Variants in RGS7 observed in about 807,000 individuals in gnomAD.
The protein encoded by RGS7 is regulator of G-protein signaling 7.
RGS7 carries 27 observed loss-of-function variants against 81.1 expected under a neutral mutation model. The ratio of observed to expected loss-of-function variants is 0.33; its 90% CI spans 0.25 to 0.46. The LOEUF (loss-of-function observed/expected upper bound fraction) is 0.46, where lower values mean the gene tolerates loss of function less well. Ranked by LOEUF, RGS7 falls within the 20% of genes least tolerant of loss-of-function variation. RGS7 has a pLI of 1.00. For missense variants in RGS7, 396 were observed against 607.4 expected, an observed-to-expected ratio of 0.65 and a Z score of 3.66; for synonymous variants, 208 against 207.7, an observed-to-expected ratio of 1.00 and a Z score of -0.01.
intron 6 of RGS7, among the ~76,000 whole-genome samples, chr1:240,919,287 A>G (rs1245769926): frequency 1.4e-4 from 21 of 152,148 alleles, no homozygotes; most frequent in African/African-American, 5.1e-4. Flanking sequence ...AAGGAAGACT[A>G]CAGACCAATA....
intron 2 of RGS7, among the ~76,000 whole-genome samples, chr1:241,274,334 G>A (rs2078078944): frequency 6.6e-6 from 1 of 152,100 alleles, no homozygotes; most frequent in Admixed American, 6.5e-5. Context: ...ACACCTAATT[G>A]GTAGTATTAA....
intron 2 of RGS7, among the ~76,000 whole-genome samples, chr1:241,300,271 C>T (rs72760581): frequency 0.12 from 17,725 of 152,192 alleles, 1,306 homozygotes; most frequent in Middle Eastern, 0.18. Flanking sequence ...AAACCTACAT[C>T]GCTACATCAT....
Position 241,061,891 on chromosome 1 carries a change from T to C in RGS7, c.175+36775A>G, listed in dbSNP as rs2061758365. On this transcript the variant is annotated intron_variant, in intron 3 of 18. Transcript: ENST00000440928. ...TTGACTCTGTGAAATTCTGAGTCTGTACCTCCCAAGAGGTCTACCTAGCTG... is the reference window on the plus strand; with the variant it reads ...TTGACTCTGTGAAATTCTGAGTCTGCACCTCCCAAGAGGTCTACCTAGCTG... Among the ~76,000 whole-genome samples the C allele has an allele frequency of 2.0e-5, 3 of 152,220 alleles. No homozygotes were observed. In the South Asian group the frequency reaches 6.2e-4, roughly 31 times the overall value.
Position 240,827,134 on chromosome 1 carries a change from C to T in RGS7, c.648G>A (p.Lys216=), listed in dbSNP as rs1337441461. Residue 216 remains lysine (K), a synonymous_variant, in exon 10 of 19, where the codon AAG becomes AAA. Coordinates refer to ENST00000440928, the MANE Select transcript of RGS7 (RefSeq NM_001364886.1). ...TGTGGGGGTTTCTCATTCTGGATGA[C>T]TTCTTAATGTCCACTTCAGTTGTAT... The part of the protein sequence containing the change: ...CVNTTEVDIK[K]SSRMRNPHKT... The T allele has an allele frequency of 6.8e-6, 11 of 1,613,818 alleles. No individual in the cohort carries two copies. Among genetic ancestry groups the T allele is most frequent in the Non-Finnish European group, 9.3e-6 (11 of 1,179,806 alleles).
intron 13 of RGS7, among the ~76,000 whole-genome samples, chr1:240,812,538 G>C (rs1273853895): frequency 1.3e-5 from 2 of 151,598 alleles, no homozygotes; most frequent in South Asian, 4.2e-4. Flanking sequence ...GGGTTCAAGA[G>C]AGTCTCCTGC....
chr1:240,779,176 G>A (rs890543812), intron 18 of RGS7, among the ~76,000 whole-genome samples: 8 of 151,078 alleles, frequency 5.3e-5, no homozygotes, highest in South Asian at 2.1e-4. Context: ...GTGCAATGGC[G>A]CAATCTCGGG....
At chr1:240,967,571 G>GT (rs1278851729) in intron 4 of RGS7, among the ~76,000 whole-genome samples, 7 of 130,090 alleles carry the variant, frequency 5.4e-5, no homozygotes, top group Non-Finnish European at 1.1e-4. Context: ...CAAGAAGTGG[G>GT]GGGGGGGGGG....
intron 2 of RGS7, among the ~76,000 whole-genome samples, chr1:241,103,503 CAGAAGG>C (rs2064906133): frequency 6.6e-6 from 1 of 152,168 alleles, no homozygotes; most frequent in Non-Finnish European, 1.5e-5. Flanking sequence ...CATCAGCATT[CAGAAGG>C]AGGTAAGTTT....
intron 2 of RGS7, among the ~76,000 whole-genome samples, chr1:241,159,652 CGAA>C (rs2069468474): frequency 6.6e-6 from 1 of 151,510 alleles, no homozygotes; most frequent in African/African-American, 2.4e-5. Context: ...GTTATGGGAC[CGAA>C]GAAGAAGAAA....
rs1262298995 is a variant in RGS7, at chr1:240,930,692, T to C, written c.385+25A>G. 1.9e-6 allele frequency: 3 copies of C among 1,609,758 alleles called. No individual in the cohort carries two copies. In the South Asian group the frequency reaches 3.3e-5, roughly 18 times the overall value. ...ATCTACACATACAGGCTGTCAATAA[T>C]AAAATAATGAGAGATGGCACTGACC... On this transcript the variant is annotated intron_variant, in intron 6 of 18. Coordinates refer to ENST00000440928, the MANE Select transcript of RGS7 (RefSeq NM_001364886.1).
At chr1:241,173,670 A>G (rs2103269249) in intron 2 of RGS7, among the ~76,000 whole-genome samples, 1 of 152,300 alleles carries the variant, frequency 6.6e-6, no homozygotes, top group Non-Finnish European at 1.5e-5. Context: ...AGTCCCAGCT[A>G]CTCAGGAAGC....
At chr1:240,940,480 T>C (rs1258898947) in intron 4 of RGS7, among the ~76,000 whole-genome samples, 1 of 152,228 alleles carries the variant, frequency 6.6e-6, no homozygotes, top group Non-Finnish European at 1.5e-5. Flanking sequence ...ACATCCTTTG[T>C]AGGTGGCCCA....
intron 2 of RGS7, among the ~76,000 whole-genome samples, chr1:241,297,617 A>G (rs2079504946): frequency 6.6e-6 from 1 of 152,204 alleles, no homozygotes; most frequent in Non-Finnish European, 1.5e-5. Context: ...GTAATTGGCC[A>G]ATGCTCGGAA....
chr1:241,171,272 T>TA (rs934031530), intron 2 of RGS7, among the ~76,000 whole-genome samples: 4 of 151,782 alleles, frequency 2.6e-5, no homozygotes, highest in Admixed American at 6.6e-5. Flanking sequence ...GCCAACATAC[T>TA]AAAAAAAAAT....
intron 2 of RGS7, among the ~76,000 whole-genome samples, chr1:241,338,014 C>T (rs1422027503): frequency 6.6e-6 from 1 of 152,022 alleles, no homozygotes; most frequent in African/African-American, 2.4e-5. Context: ...TTCCTCAAAA[C>T]GTCAGTTATT....
intron 2 of RGS7, among the ~76,000 whole-genome samples, chr1:241,124,990 C>T (rs753373308): frequency 3.3e-5 from 5 of 152,190 alleles, no homozygotes; most frequent in Non-Finnish European, 7.3e-5. Context: ...AGACATTAGG[C>T]AGAAAATACT....
intron 3 of RGS7, among the ~76,000 whole-genome samples, chr1:241,070,353 A>T (rs2062363361): frequency 6.6e-6 from 1 of 150,836 alleles, no homozygotes; most frequent in Non-Finnish European, 1.5e-5. Context: ...ACTAGCCAAG[A>T]AGTCATTCGA....
rs116326469 is a variant in RGS7 at position 240,921,392 on chromosome 1, G to A, written c.385+9325C>T. Among the ~76,000 whole-genome samples, 974 of 151,852 alleles carry A rather than the reference G, an allele frequency of 6.4e-3. 14 individuals are homozygous for A. Among genetic ancestry groups the A allele is most frequent in the African/African-American group, 0.021 (872 of 41,402 alleles). ...GAAAAATGCAAGAATGTCCCCTCTCGCTACTCCTATTTGCCATTGTACTGG... is the reference window on the plus strand; with the variant it reads ...GAAAAATGCAAGAATGTCCCCTCTCACTACTCCTATTTGCCATTGTACTGG... On this transcript the variant is annotated intron_variant, in intron 6 of 18. Coordinates refer to ENST00000440928, the MANE Select transcript of RGS7 (RefSeq NM_001364886.1).
intron 4 of RGS7, among the ~76,000 whole-genome samples, chr1:240,978,011 A>G (rs1478665238): frequency 6.6e-6 from 1 of 152,214 alleles, no homozygotes; most frequent in East Asian, 1.9e-4. Context: ...TGACATCCTG[A>G]GGCAAGGATT....
Sources: gnomAD v4.1 joint callset for allele counts (sites outside exome capture counted in the v4.1 genomes callset) on GRCh38, gnomAD v4.1.1 for gene constraint, MANE v1.5 for transcripts, NCBI Gene and HGNC (gene_info 2026-07-23, HGNC 2026-07-21) for gene names.